The following AIM2 variants were observed in gnomAD, a reference collection of about 807,000 sequenced individuals.
AIM2 encodes the protein interferon-inducible protein AIM2.
In AIM2, 30 loss-of-function variants were observed where a neutral mutation model predicts 27.7. The ratio of observed to expected loss-of-function variants is 1.08; its 90% CI spans 0.81 to 1.47. AIM2 has a LOEUF of 1.47. Ranked by LOEUF, AIM2 falls within the 40% of genes most tolerant of loss-of-function variation. AIM2 has a pLI of 0.00. For missense variants in AIM2, 358 were observed against 411.3 expected (o/e 0.87, Z 1.12); for synonymous variants, 141 against 145.3 (o/e 0.97, Z 0.21).
intron 1 of AIM2, among the ~76,000 whole-genome samples, chr1:159,108,417 CA>C (rs1657499946): frequency 6.6e-6 from 1 of 152,172 alleles, no homozygotes; most frequent in Non-Finnish European, 1.5e-5. Flanking sequence ...CCATCTATGA[CA>C]AACCCACAGC....
chr1:159,056,714 C>A, the AIM2 span, among the ~76,000 whole-genome samples: 3 of 63,848 alleles, frequency 4.7e-5, no homozygotes, highest in African/African-American at 1.4e-4. Flanking sequence ...AAAGCCCAAC[C>A]GGCAAAAAAA....
chr1:159,091,725 G>T (rs1657048654), intron 1 of AIM2, among the ~76,000 whole-genome samples: 1 of 152,190 alleles, frequency 6.6e-6, no homozygotes, highest in Non-Finnish European at 1.5e-5. Context: ...AAAGGATGTG[G>T]TAACAAATGT....
intron 2 of AIM2, among the ~76,000 whole-genome samples, 167 bp downstream of exon 2, chr1:159,073,071 T>C (rs1557894937): frequency 6.6e-6 from 1 of 152,172 alleles, no homozygotes; most frequent in Non-Finnish European, 1.5e-5. Flanking sequence ...TAACAAACAC[T>C]TCCTAGAAGC....
chr1:159,077,329 C>T (rs565259184), upstream of AIM2, among the ~76,000 whole-genome samples: 3 of 152,320 alleles, frequency 2.0e-5, no homozygotes, highest in South Asian at 2.1e-4. Flanking sequence ...GGGCAATTCC[C>T]GGAATCGGGG....
upstream of AIM2, among the ~76,000 whole-genome samples, chr1:159,143,557 ATACT>A (rs1269083612): frequency 1.3e-5 from 2 of 149,824 alleles, 1 homozygote; most frequent in South Asian, 4.2e-4. Flanking sequence ...GACTCTCAAG[ATACT>A]TACTGCCAGG....
chr1:159,092,877 T>A (rs1001523441), intron 1 of AIM2, among the ~76,000 whole-genome samples: 1 of 151,632 alleles, frequency 6.6e-6, no homozygotes, highest in Non-Finnish European at 1.5e-5. Context: ...TACAAAAAAA[T>A]TAGCTGAGTA....
chr1:159,095,501 T>A (rs1323238615), intron 1 of AIM2, among the ~76,000 whole-genome samples: 2 of 152,218 alleles, frequency 1.3e-5, no homozygotes, highest in Admixed American at 6.5e-5. Flanking sequence ...CCTCTGCTTA[T>A]GTGACAGCTG....
chr1:159,086,005 G>A (rs1338022388), intron 1 of AIM2, among the ~76,000 whole-genome samples: 3 of 152,152 alleles, frequency 2.0e-5, no homozygotes, highest in African/African-American at 4.8e-5. Flanking sequence ...GTTGTATACT[G>A]TAAATATACA....
At position 159,075,534 on chromosome 1, in the gene AIM2, TACACACACAC is replaced by T. The variant is rs55988373; in HGVS notation, c.-21+1089_-21+1098del. On this transcript the variant is annotated intron_variant, in intron 1 of 5. Coordinates refer to ENST00000368130, the MANE Select transcript of AIM2 (RefSeq NM_004833.3). Reference sequence around the variant, plus strand: ...GCAAAAACTGGGCAGATACCTGCAATACACACACACACACACACACACACACACACACACA... The same window carrying T: ...GCAAAAACTGGGCAGATACCTGCAATACACACACACACACACACACACACA... Among the ~76,000 whole-genome samples, 378 of 129,534 alleles carry T rather than the reference TACACACACAC, an allele frequency of 2.9e-3. 3 individuals carry two copies. The highest frequency in any genetic ancestry group is 9.5e-3 in the African/African-American group (325 of 34,180). 85.0% of individuals were successfully genotyped at this position (129,534 alleles called of 152,430 possible).
intron 1 of AIM2, among the ~76,000 whole-genome samples, chr1:159,097,455 C>G (rs1657202629): frequency 6.6e-6 from 1 of 152,052 alleles, no homozygotes; most frequent in Non-Finnish European, 1.5e-5. Context: ...AAACTTTCAC[C>G]AAATGTGGAC....
At chr1:159,128,767 C>T (rs1220411980) in intron 1 of AIM2, among the ~76,000 whole-genome samples, 1 of 152,164 alleles carries the variant, frequency 6.6e-6, no homozygotes, top group Non-Finnish European at 1.5e-5. Flanking sequence ...TCTGGTTCTC[C>T]ACACTGCTCC....
At chr1:159,114,019 C>A (rs1316862233) in intron 1 of AIM2, among the ~76,000 whole-genome samples, 1 of 152,160 alleles carries the variant, frequency 6.6e-6, no homozygotes, top group African/African-American at 2.4e-5. Context: ...TCTGACAAGC[C>A]TGAACAGTTT....
At chr1:159,110,406 C>A (rs1482243780) in intron 1 of AIM2, among the ~76,000 whole-genome samples, 1 of 152,198 alleles carries the variant, frequency 6.6e-6, no homozygotes, top group Non-Finnish European at 1.5e-5. Flanking sequence ...GGTTATCTGA[C>A]CATAGTCAGA....
chr1:159,134,140 A>G (rs935343891), intron 1 of AIM2, among the ~76,000 whole-genome samples: 3 of 152,172 alleles, frequency 2.0e-5, no homozygotes, highest in African/African-American at 4.8e-5. Context: ...TTTCTAATCC[A>G]TCAACAAATC....
chr1:159,102,786 G>C (rs529393699), intron 1 of AIM2, among the ~76,000 whole-genome samples: 1 of 152,354 alleles, frequency 6.6e-6, no homozygotes, highest in African/African-American at 2.4e-5. Context: ...TTTACTTAAT[G>C]CCTGTACCCT....
chr1:159,098,864 G>C (rs1387449362), intron 1 of AIM2, among the ~76,000 whole-genome samples: 1 of 152,170 alleles, frequency 6.6e-6, no homozygotes, highest in Admixed American at 6.5e-5. Context: ...ACACACTCCT[G>C]AGATAGTTTC....
downstream of AIM2, chr1:159,062,346 T>A (rs1655864393): frequency 3.3e-6 from 1 of 299,674 alleles, no homozygotes; most frequent in Non-Finnish European, 6.2e-6. Context: ...GTACTCCTAA[T>A]TCTTCCCTCT....
intron 1 of AIM2, among the ~76,000 whole-genome samples, chr1:159,119,710 T>C (rs1412759470): frequency 1.3e-5 from 2 of 152,076 alleles, no homozygotes; most frequent in African/African-American, 4.8e-5. Flanking sequence ...TGGTTCATAA[T>C]GGTTTCTAAG....
chr1:159,128,483 C>T (rs186616227), intron 1 of AIM2, among the ~76,000 whole-genome samples: 42 of 152,238 alleles, frequency 2.8e-4, no homozygotes, highest in African/African-American at 9.4e-4. Flanking sequence ...GGCCTAGTAT[C>T]GTTATAGCGA....
Sources: gnomAD v4.1 joint callset for allele counts (sites outside exome capture counted in the v4.1 genomes callset) on GRCh38, gnomAD v4.1.1 for gene constraint, MANE v1.5 for transcripts, NCBI Gene and HGNC (gene_info 2026-07-23, HGNC 2026-07-21) for gene names.